Variants in WAC observed in about 807,000 individuals in gnomAD.
The protein encoded by WAC is WW domain-containing adapter protein with coiled-coil.
A neutral mutation model predicts 79.6 loss-of-function variants in WAC; 11 were observed. The observed-to-expected ratio is 0.14, with a 90% CI of 0.09 to 0.23. The LOEUF (loss-of-function observed/expected upper bound fraction) is 0.23. WAC is among the 10% of genes least tolerant of loss of function. The pLI is 1.00. For missense variants in WAC, 728 were observed against 773.5 expected, an observed-to-expected ratio of 0.94 and a Z score of 0.70; for synonymous variants, 304 against 276.9, an observed-to-expected ratio of 1.10 and a Z score of -0.97.
chr10:28,579,756 C>A (rs1409968440), intron 3 of WAC, among the ~76,000 whole-genome samples: 3 of 152,024 alleles, frequency 2.0e-5, no homozygotes, highest in Non-Finnish European at 2.9e-5. Flanking sequence ...GTAAGAGGCT[C>A]AAATGAAATA....
chr10:28,533,600 ACAG>A lies in WAC; in HGVS notation c.25_27del (p.Gln9del). Reference sequence around the variant, plus strand: ...CATTGATGGTAATGTATGCGAGGAAACAGCAGAGACTCAGTGATGGGTAAATTG... The same window carrying A: ...CATTGATGGTAATGTATGCGAGGAAACAGAGACTCAGTGATGGGTAAATTG... On this transcript the variant is annotated inframe_deletion, in exon 1 of 14. Coordinates refer to ENST00000354911, the MANE Select transcript of WAC (RefSeq NM_016628.5). 6.3e-7 allele frequency: 1 copy of A among 1,597,036 alleles called. No homozygotes were observed. Among genetic ancestry groups the A allele is most frequent in the South Asian group, 1.1e-5 (1 of 89,846 alleles).
At chr10:28,541,935 A>AT (rs1837075489) in intron 3 of WAC, among the ~76,000 whole-genome samples, 1 of 152,096 alleles carries the variant, frequency 6.6e-6, no homozygotes, top group Non-Finnish European at 1.5e-5. Context: ...GATCCAGTTA[A>AT]AATGCCAGTC....
chr10:28,574,869 A>G (rs1839164108), intron 3 of WAC, among the ~76,000 whole-genome samples: 1 of 152,026 alleles, frequency 6.6e-6, no homozygotes, highest in Non-Finnish European at 1.5e-5. Flanking sequence ...GGTTTTTTTC[A>G]TCTCTTTTTC....
intron 2 of WAC, among the ~76,000 whole-genome samples, chr10:28,534,904 A>G (rs1836547671): frequency 6.6e-6 from 1 of 152,258 alleles, no homozygotes; most frequent in East Asian, 1.9e-4. Context: ...ACATTGCAAC[A>G]GATTAGTACA....
chr10:28,556,959 C>G (rs1015595141), intron 3 of WAC, among the ~76,000 whole-genome samples: 1 of 151,946 alleles, frequency 6.6e-6, no homozygotes, highest in Non-Finnish European at 1.5e-5. Flanking sequence ...ATTACCATAG[C>G]TTTGTAAGAT....
At chr10:28,533,893 G>C in intron 1 of WAC, 105 bp from the exon 2 acceptor site, 1 of 1,408,380 alleles carries the variant, frequency 7.1e-7, no homozygotes, top group Non-Finnish European at 9.9e-7. Context: ...TGGGGCGCTC[G>C]GTAGGTCTCC....
At position 28,621,215 on chromosome 10, in the gene WAC, A is replaced by ATTTTTT. The variant is rs9331408; in HGVS notation, c.*1624_*1629dup. On this transcript the variant is annotated 3_prime_UTR_variant, in exon 14 of 14. Transcript: ENST00000354911. ...TAAATTGGTTTAGGGTTTTTTGGTG[A>ATTTTTT]TTTTTTTTTTTTTTTTTTTTCTGTT... 2.9e-5 allele frequency: 3 copies of ATTTTTT among 102,504 alleles called. No individual in the cohort carries two copies. Among genetic ancestry groups the ATTTTTT allele is most frequent in the Non-Finnish European group, 1.9e-5 (1 of 51,872 alleles). 6.3% of individuals were successfully genotyped at this position (102,504 alleles called of 1,614,324 possible).
intron 3 of WAC, among the ~76,000 whole-genome samples, chr10:28,561,863 A>G (rs541445676): frequency 1.3e-5 from 2 of 152,162 alleles, no homozygotes; most frequent in Non-Finnish European, 2.9e-5. Flanking sequence ...CCTTATGAGA[A>G]TCTAACTAAT....
chr10:28,561,680 A>G (rs1448524312), intron 3 of WAC, among the ~76,000 whole-genome samples: 2 of 152,118 alleles, frequency 1.3e-5, no homozygotes, highest in African/African-American at 4.8e-5. Flanking sequence ...ACAGACCAGT[A>G]CCTTTCTGTG....
rs146122363 is a variant in WAC at position 28,536,013 on chromosome 10, G to A, written c.274+256G>A. On this transcript the variant is annotated intron_variant, in intron 3 of 13. Transcript: ENST00000354911. ...ATCTCAGCACTTGGGAGGCCGAGGC[G>A]GGCAGATCACCTGAGGTCAGGAGTT... 5.2e-3 allele frequency: 1,195 copies of A among 230,296 alleles called. 10 individuals are homozygous for A. Among genetic ancestry groups the A allele is most frequent in the African/African-American group, 0.019 (855 of 43,954 alleles). The allele number at this position is 230,296 out of a possible 1,614,324, so 14.3% of individuals were successfully genotyped here. A position where few individuals can be genotyped will look rare whatever the true frequency, so the allele number is the denominator to read the frequency against.
chr10:28,570,536 A>G (rs1050922222), intron 3 of WAC, among the ~76,000 whole-genome samples: 6 of 152,282 alleles, frequency 3.9e-5, no homozygotes, highest in African/African-American at 1.4e-4. Flanking sequence ...TCCTGTTGCA[A>G]TAGGAGCAGC....
At chr10:28,615,956 C>CT (rs1392597722) in intron 11 of WAC, 2 of 422,270 alleles carry the variant, frequency 4.7e-6, no homozygotes, top group East Asian at 3.5e-5. Flanking sequence ...ACATTTGACT[C>CT]TGACAGTAGT....
intron 3 of WAC, among the ~76,000 whole-genome samples, chr10:28,555,591 T>G (rs1166782975): frequency 6.6e-6 from 1 of 152,176 alleles, no homozygotes; most frequent in African/African-American, 2.4e-5. Context: ...GGAAAATTAC[T>G]AAGGAAACAT....
intron 13 of WAC, chr10:28,618,179 G>A (rs982077947): frequency 5.1e-5 from 8 of 157,682 alleles, no homozygotes; most frequent in Non-Finnish European, 7.0e-5. Context: ...CAAGTTTAGT[G>A]TATCTGCTGT....
upstream of WAC, chr10:28,533,078 C>T (rs1483331767): frequency 1.9e-5 from 3 of 155,148 alleles, no homozygotes; most frequent in South Asian, 3.2e-4. Context: ...AGGAGGGGCC[C>T]GGCGGAAACT....
At chr10:28,571,619 C>G (rs1283032799) in intron 3 of WAC, among the ~76,000 whole-genome samples, 1 of 152,242 alleles carries the variant, frequency 6.6e-6, no homozygotes, top group East Asian at 1.9e-4. Context: ...CTTAATGTAA[C>G]TCAGACAGAT....
Position 28,535,669 on chromosome 10 carries a change from T to G in WAC, c.186T>G (p.Ser62=). The G allele has an allele frequency of 6.2e-7, 1 of 1,614,150 alleles. No individual in the cohort carries two copies. The highest frequency in any genetic ancestry group is 1.1e-5 in the South Asian group (1 of 91,088). The part of the protein sequence containing the change: ...PSPPNKMLRR[S]DSPENKYSDS... ...CACCAAATAAAATGTTGCGGAGATC[T>G]GATAGTCCTGAAAACAAATACAGTG... Residue 62 remains serine (S), a synonymous_variant, in exon 3 of 14, where the codon TCT becomes TCG. Transcript: ENST00000354911.
Position 28,616,370 on chromosome 10 carries a change from A to C in WAC, c.1746+8A>C. ...GATCATGCAGAGAAGCAGGTATGTT[A>C]TGTACAGCCTAGATTTTACCTTTGG... On this transcript the variant is annotated splice_region_variant and intron_variant, in intron 12 of 13. Transcript: ENST00000354911. 1 of 1,587,002 alleles carries C rather than the reference A, an allele frequency of 6.3e-7. No individual in the cohort carries two copies. Among genetic ancestry groups the C allele is most frequent in the Non-Finnish European group, 8.6e-7 (1 of 1,163,244 alleles).
rs775992564 is a variant in WAC, at chr10:28,590,877, C to T, written c.610+45C>T. The T allele has an allele frequency of 1.1e-5, 16 of 1,421,738 alleles. No homozygotes were observed. In the African/African-American group the frequency reaches 1.2e-4, roughly 10 times the overall value. 88.1% of individuals were successfully genotyped at this position (1,421,738 alleles called of 1,614,324 possible). A position where few individuals can be genotyped will look rare whatever the true frequency, so the allele number is the denominator to read the frequency against. ...CTTTGAAATGTATGTTTGACTTATT[C>T]GTATTTATTTTTCAAATCTGTATCC... On this transcript the variant is annotated intron_variant, in intron 6 of 13. Transcript: ENST00000354911.
Sources: allele counts gnomAD v4.1 joint callset (sites outside exome capture counted in the v4.1 genomes callset), GRCh38; gene constraint gnomAD v4.1.1; transcripts MANE v1.5; gene names NCBI Gene and HGNC (gene_info 2026-07-23, HGNC 2026-07-21).